NFILZ: variants seen among roughly 807,000 people sequenced by gnomAD.
NFILZ encodes the protein NFIL3 like protein.
intron 4 of NFILZ, among the ~76,000 whole-genome samples, 40 bp from the exon 5 acceptor site, chr19:8,676,319 G>A (rs1338483081): frequency 6.6e-6 from 1 of 152,100 alleles, no homozygotes; most frequent in Non-Finnish European, 1.5e-5. Context: ...TCCCAAATTG[G>A]CTCTGTTTAC....
At chr19:8,671,435 C>T (rs1375990338) in intron 3 of NFILZ, among the ~76,000 whole-genome samples, 1 of 151,912 alleles carries the variant, frequency 6.6e-6, no homozygotes, top group African/African-American at 2.4e-5. Flanking sequence ...CAGGCCAAGC[C>T]ACAGACGGGA....
intron 1 of NFILZ, among the ~76,000 whole-genome samples, chr19:8,631,560 C>T (rs2042869525): frequency 6.6e-6 from 1 of 152,138 alleles, no homozygotes; most frequent in African/African-American, 2.4e-5. Flanking sequence ...AGACAAACAT[C>T]TGAGTCTTGG....
In NFILZ at chr19:8,656,323, GAA is replaced by G. The variant is rs2042995652; in HGVS notation, c.-163-18227_-163-18226del. Among the ~76,000 whole-genome samples, 39 of 59,016 alleles carry G rather than the reference GAA, an allele frequency of 6.6e-4. 3 individuals are homozygous for G. The highest frequency in any genetic ancestry group is 1.7e-3 in the African/African-American group (39 of 22,562). The allele number at this position is 59,016 out of a possible 152,430, so 38.7% of individuals were successfully genotyped here. On this transcript the variant is annotated intron_variant, in intron 3 of 5. Coordinates refer to ENST00000691075, the MANE Select transcript of NFILZ (RefSeq NM_001378600.1). ...TCCTCCCGCAGCGCACCTCCTCCCT[GAA>G]GCCCCCTTCTTCCTGAAGCCCACCT...
intron 2 of NFILZ, among the ~76,000 whole-genome samples, chr19:8,633,148 C>CTTTT (rs1555745745): frequency 2.7e-5 from 4 of 150,342 alleles, no homozygotes; most frequent in Non-Finnish European, 5.9e-5. Flanking sequence ...AGCCTCCTGA[C>CTTTT]TGATTGAGAT....
chr19:8,651,387 C>T (rs1340359131), intron 3 of NFILZ, among the ~76,000 whole-genome samples: 1 of 152,162 alleles, frequency 6.6e-6, no homozygotes, highest in East Asian at 1.9e-4. Context: ...GTCTCAAACT[C>T]CTGACCTCAA....
intron 3 of NFILZ, among the ~76,000 whole-genome samples, chr19:8,656,362 CCCA>C (rs2042997484): frequency 6.7e-6 from 1 of 148,226 alleles, no homozygotes; most frequent in Non-Finnish European, 1.5e-5. Context: ...TTCCCTGAAG[CCCA>C]CCTTCTCCCT....
At chr19:8,656,324 A>G (rs1225079752) in intron 3 of NFILZ, among the ~76,000 whole-genome samples, 2 of 77,412 alleles carry the variant, frequency 2.6e-5, no homozygotes, top group African/African-American at 7.2e-5. Context: ...CTCCTCCCTG[A>G]AGCCCCCTTC....
intron 3 of NFILZ, among the ~76,000 whole-genome samples, chr19:8,646,050 T>TG (rs201777450): frequency 6.0e-5 from 9 of 149,712 alleles, no homozygotes; most frequent in African/African-American, 7.4e-5. Context: ...TCTTTTTTTT[T>TG]GGGGGGGATG....
rs145909416 is a variant in NFILZ, at chr19:8,661,686, G to A, written c.-163-12865G>A. On this transcript the variant is annotated intron_variant, in intron 3 of 5. Coordinates refer to ENST00000691075, the MANE Select transcript of NFILZ (RefSeq NM_001378600.1). Reference sequence around the variant, plus strand: ...GAGGGTGGATCATTTGAGGTCAGGAGTTCGAGACCAGCCTGGCCAACATCG... The same window carrying A: ...GAGGGTGGATCATTTGAGGTCAGGAATTCGAGACCAGCCTGGCCAACATCG... Among the ~76,000 whole-genome samples, 331 of 152,288 alleles carry A rather than the reference G, an allele frequency of 2.2e-3. 1 individual carries two copies. The highest frequency in any genetic ancestry group is 7.6e-3 in the African/African-American group (316 of 41,542).
intron 3 of NFILZ, among the ~76,000 whole-genome samples, chr19:8,647,580 C>A (rs1329135568): frequency 6.8e-6 from 1 of 147,970 alleles, no homozygotes; most frequent in African/African-American, 2.5e-5. Context: ...CCCCGCACCC[C>A]CCCCCCCAAA....
At chr19:8,653,498 G>A (rs1160318412) in intron 3 of NFILZ, among the ~76,000 whole-genome samples, 1 of 152,144 alleles carries the variant, frequency 6.6e-6, no homozygotes, top group Non-Finnish European at 1.5e-5. Context: ...CAGGAACGCT[G>A]CTCGAAATAA....
chr19:8,677,634 G>C lies in NFILZ; in HGVS notation c.869G>C (p.Ter290SerextTer22), dbSNP rs1160053434. 6.6e-6 allele frequency: 1 copy of C among 152,332 alleles called. No homozygotes were observed. The highest frequency in any genetic ancestry group is 1.5e-5 in the Non-Finnish European group (1 of 68,148). The allele number at this position is 152,332 out of a possible 1,614,324, so 9.4% of individuals were successfully genotyped here. ...TGGGAGGGTGGTCAGGCGCCCCTCT[G>C]AGGGCTTCCTCTGGGAAGGGCTAGG... Reference protein sequence around the residue: ...RGWEGGQAPL* With the variant: ...RGWEGGQAPLS Residue 290 changes from the stop codon to serine, a stop_lost, in exon 6 of 6, where the codon TGA becomes TCA. Coordinates refer to ENST00000691075, the MANE Select transcript of NFILZ (RefSeq NM_001378600.1).
At position 8,678,102 on chromosome 19, in the gene NFILZ, C is replaced by T. The variant is rs2146177312; in HGVS notation, c.*467C>T. Among the ~76,000 whole-genome samples the T allele has an allele frequency of 2.2e-5, 3 of 139,042 alleles. No homozygotes were observed. Among genetic ancestry groups the T allele is most frequent in the African/African-American group, 5.8e-5 (2 of 34,248 alleles). The allele number at this position is 139,042 out of a possible 152,430, so 91.2% of individuals were successfully genotyped here. A position where few individuals can be genotyped will look rare whatever the true frequency, so the allele number is the denominator to read the frequency against. On this transcript the variant is annotated 3_prime_UTR_variant, in exon 6 of 6. Transcript: ENST00000691075. ...AATCCATCCATCCATTCCATCCATC[C>T]ATCCATCCATCCATCCATCCATCCC...
At chr19:8,661,542 A>G (rs188109658) in intron 3 of NFILZ, among the ~76,000 whole-genome samples, 1 of 152,148 alleles carries the variant, frequency 6.6e-6, no homozygotes, top group African/African-American at 2.4e-5. Flanking sequence ...CACAGTACAC[A>G]TACATCAAAG....
chr19:8,674,923 CT>C (rs1444830843), intron 4 of NFILZ, among the ~76,000 whole-genome samples: 1 of 152,158 alleles, frequency 6.6e-6, no homozygotes, highest in African/African-American at 2.4e-5. Flanking sequence ...AAACTCAACA[CT>C]GAGTTTCTGC....
At chr19:8,667,985 C>T (rs1555749976) in intron 3 of NFILZ, among the ~76,000 whole-genome samples, 1 of 151,898 alleles carries the variant, frequency 6.6e-6, no homozygotes, top group African/African-American at 2.4e-5. Flanking sequence ...CAGAGTCTTG[C>T]TCTGTCACCC....
intron 3 of NFILZ, among the ~76,000 whole-genome samples, chr19:8,643,191 G>T (rs1184444149): frequency 1.3e-5 from 2 of 152,074 alleles, no homozygotes; most frequent in Non-Finnish European, 2.9e-5. Flanking sequence ...CTCAAGTGAA[G>T]TTCCTGCATC....
chr19:8,648,551 C>G (rs1555747425), intron 3 of NFILZ, among the ~76,000 whole-genome samples: 1 of 152,080 alleles, frequency 6.6e-6, no homozygotes, highest in African/African-American at 2.4e-5. Context: ...GGCATGGTGG[C>G]TCATGCCTGT....
chr19:8,633,370 C>T (rs1243263077), intron 2 of NFILZ, among the ~76,000 whole-genome samples: 2 of 152,114 alleles, frequency 1.3e-5, no homozygotes, highest in African/African-American at 4.8e-5. Context: ...CGTGGACTCT[C>T]CCTGAAATCT....
Sources: allele counts gnomAD v4.1 joint callset (sites outside exome capture counted in the v4.1 genomes callset), GRCh38; gene constraint gnomAD v4.1.1; transcripts MANE v1.5; gene names NCBI Gene and HGNC (gene_info 2026-07-23, HGNC 2026-07-21).